Variants in ATXN1 observed in about 807,000 individuals in gnomAD.
ATXN1 encodes the protein ataxin 1.
In ATXN1, 8 loss-of-function variants were observed where a neutral mutation model predicts 56.4. That is an observed-to-expected ratio of 0.14 (90% CI 0.08 to 0.26). The LOEUF (loss-of-function observed/expected upper bound fraction) is 0.26. ATXN1 is among the 10% of genes least tolerant of loss of function. ATXN1 has a pLI of 1.00. For missense variants in ATXN1, 987 were observed against 1,106.5 expected (o/e 0.89, Z 1.53); for synonymous variants, 514 against 494.6 (o/e 1.04, Z -0.52).
At chr6:16,359,252 G>A (rs1389067208) in intron 6 of ATXN1, among the ~76,000 whole-genome samples, 1 of 152,176 alleles carries the variant, frequency 6.6e-6, no homozygotes, top group Non-Finnish European at 1.5e-5. Context: ...AAGGCTGGGG[G>A]CCGGGCTGCC....
In ATXN1 at chr6:16,385,231, A is replaced by G. The variant is rs183442527; in HGVS notation, c.-160-56761T>C. On this transcript the variant is annotated intron_variant, in intron 6 of 7. Transcript: ENST00000436367. ...GGTAACGAGTGCCCTTCTCTCCCCA[A>G]GATATCTCTTGAAGGTATGGAGAAT... is the stretch of plus-strand genomic sequence containing the variant. Among the ~76,000 whole-genome samples the G allele has an allele frequency of 1.1e-3, 171 of 152,354 alleles. 1 individual carries two copies. Among genetic ancestry groups the G allele is most frequent in the Non-Finnish European group, 2.0e-3 (139 of 68,020 alleles).
intron 6 of ATXN1, among the ~76,000 whole-genome samples, chr6:16,369,473 G>C (rs547696661): frequency 9.2e-5 from 14 of 152,144 alleles, no homozygotes; most frequent in African/African-American, 3.4e-4. Flanking sequence ...AAAGAAATAC[G>C]CTACAGAAAT....
intron 4 of ATXN1, among the ~76,000 whole-genome samples, chr6:16,529,208 GTT>G (rs57446118): frequency 1.5e-4 from 18 of 123,340 alleles, no homozygotes; most frequent in African/African-American, 4.6e-4. Context: ...AGGGTTTTTT[GTT>G]TTTTTTTTTT....
chr6:16,385,545 C>A (rs1028187353), intron 6 of ATXN1, among the ~76,000 whole-genome samples: 1 of 152,142 alleles, frequency 6.6e-6, no homozygotes, highest in Non-Finnish European at 1.5e-5. Flanking sequence ...TTGGCTAGTG[C>A]CATTTGCACA....
At chr6:16,460,448 C>T (rs895318219) in intron 6 of ATXN1, among the ~76,000 whole-genome samples, 11 of 152,134 alleles carry the variant, frequency 7.2e-5, no homozygotes, top group African/African-American at 2.7e-4. Context: ...CAAAATAATA[C>T]AAGGAAAGGA....
chr6:16,450,947 C>T (rs1036839803), intron 6 of ATXN1, among the ~76,000 whole-genome samples: 7 of 152,264 alleles, frequency 4.6e-5, no homozygotes, highest in African/African-American at 1.2e-4. Context: ...ACAGGGGCGG[C>T]GGGGGTTAGA....
chr6:16,623,723 G>A (rs190821633), intron 3 of ATXN1, among the ~76,000 whole-genome samples: 7 of 152,128 alleles, frequency 4.6e-5, no homozygotes, highest in South Asian at 2.1e-4. Flanking sequence ...TTTTTATAAC[G>A]GGACTTGCCA....
chr6:16,549,695 C>T (rs759926885), intron 4 of ATXN1, among the ~76,000 whole-genome samples: 6 of 151,916 alleles, frequency 3.9e-5, no homozygotes, highest in Non-Finnish European at 4.4e-5. Context: ...GCTGGGAGTT[C>T]GAGACCAGCC....
intron 4 of ATXN1, among the ~76,000 whole-genome samples, chr6:16,549,120 T>C (rs887348667): frequency 6.6e-6 from 1 of 151,924 alleles, no homozygotes; most frequent in Admixed American, 6.6e-5. Flanking sequence ...TACACATCTA[T>C]GGAAGGACCT....
At chr6:16,338,336 A>G (rs537318621) in intron 6 of ATXN1, among the ~76,000 whole-genome samples, 16 of 152,148 alleles carry the variant, frequency 1.1e-4, no homozygotes, top group Non-Finnish European at 1.8e-4. Flanking sequence ...TACTAAAAAT[A>G]CAAAAAATGA....
chr6:16,480,367 T>G (rs1055659712), intron 6 of ATXN1, among the ~76,000 whole-genome samples: 1 of 152,066 alleles, frequency 6.6e-6, no homozygotes, highest in African/African-American at 2.4e-5. Flanking sequence ...AAAGCATCCT[T>G]TGTCTTCTCT....
rs560396355 is a variant in ATXN1, at chr6:16,626,602, A to C, written c.-489+31174T>G. On this transcript the variant is annotated intron_variant, in intron 3 of 7. Coordinates refer to ENST00000436367, the MANE Select transcript of ATXN1 (RefSeq NM_001128164.2). ...TGAGCCACTGCGCCCAGCTGGTTTA[A>C]TCATACTTAATCAACTAATGAATCA... Among the ~76,000 whole-genome samples the C allele has an allele frequency of 2.6e-5, 4 of 152,244 alleles. No homozygotes were observed. In the South Asian group the frequency reaches 8.3e-4, roughly 32 times the overall value.
intron 2 of ATXN1, among the ~76,000 whole-genome samples, chr6:16,680,125 A>G (rs991028601): frequency 4.6e-5 from 7 of 152,122 alleles, no homozygotes; most frequent in Admixed American, 1.3e-4. Context: ...TCCCATATTC[A>G]ATACAGATAA....
chr6:16,488,165 A>T (rs986959398), intron 5 of ATXN1, among the ~76,000 whole-genome samples: 2 of 152,158 alleles, frequency 1.3e-5, no homozygotes, highest in Non-Finnish European at 2.9e-5. Flanking sequence ...TGTGACAGCA[A>T]ATAATGACCC....
rs188633954 is a variant in ATXN1 at position 16,314,978 on chromosome 6, G to T, written c.1918-8119C>A. 1.6e-3 allele frequency among the ~76,000 whole-genome samples: 247 copies of T among 152,238 alleles called. 1 individual carries two copies. Among genetic ancestry groups the T allele is most frequent in the Non-Finnish European group, 1.5e-3 (103 of 68,004 alleles). ...TCCAGTTTTAATAAAAGTTCAACAA[G>T]TATACACCGAGCACCTGCTAAGTGT... On this transcript the variant is annotated intron_variant, in intron 7 of 7. Transcript: ENST00000436367.
At chr6:16,516,800 T>C (rs892763119) in intron 5 of ATXN1, among the ~76,000 whole-genome samples, 5 of 152,208 alleles carry the variant, frequency 3.3e-5, no homozygotes, top group African/African-American at 1.2e-4. Context: ...TTAATTGCCT[T>C]AATGTCACTT....
chr6:16,470,028 C>A (rs911047430), intron 6 of ATXN1, among the ~76,000 whole-genome samples: 4 of 151,554 alleles, frequency 2.6e-5, no homozygotes, highest in African/African-American at 9.7e-5. Context: ...GATATTTGCA[C>A]ACTCATATCC....
intron 4 of ATXN1, among the ~76,000 whole-genome samples, 174 bp downstream of exon 4, chr6:16,585,606 G>A (rs1762607500): frequency 1.3e-5 from 2 of 151,986 alleles, no homozygotes; most frequent in South Asian, 2.1e-4. Context: ...AAAAAGCAAG[G>A]GTTCCATTTT....
intron 4 of ATXN1, among the ~76,000 whole-genome samples, chr6:16,572,032 G>A (rs558107130): frequency 4.6e-5 from 7 of 152,130 alleles, no homozygotes; most frequent in Non-Finnish European, 7.3e-5. Context: ...TCATGTTTTA[G>A]ATATGCCATG....
Sources: gnomAD v4.1 joint callset for allele counts (sites outside exome capture counted in the v4.1 genomes callset) on GRCh38, gnomAD v4.1.1 for gene constraint, MANE v1.5 for transcripts, NCBI Gene and HGNC (gene_info 2026-07-23, HGNC 2026-07-21) for gene names.